Variants in ULK4 observed in about 807,000 individuals in gnomAD.
ULK4 encodes unc-51 like kinase 4.
A neutral mutation model predicts 160.6 loss-of-function variants in ULK4; 133 were observed. That is an observed-to-expected ratio of 0.83 (90% CI 0.72 to 0.96). The LOEUF (loss-of-function observed/expected upper bound fraction) is 0.96. ULK4 is among the 40% of genes least tolerant of loss of function. The pLI is 0.00. For missense variants in ULK4, 1,580 were observed against 1,499.5 expected, an observed-to-expected ratio of 1.05 and a Z score of -0.89; for synonymous variants, 534 against 539.8, an observed-to-expected ratio of 0.99 and a Z score of 0.15.
At chr3:41,888,852 G>C (rs1677791181) in intron 16 of ULK4, among the ~76,000 whole-genome samples, 1 of 152,158 alleles carries the variant, frequency 6.6e-6, no homozygotes. Context: ...CTGCCTACCT[G>C]ATCTTCAGCC....
chr3:41,784,939 A>T (rs1038318975), intron 21 of ULK4, among the ~76,000 whole-genome samples: 5 of 152,242 alleles, frequency 3.3e-5, no homozygotes, highest in Non-Finnish European at 7.3e-5. Context: ...TATACTGATA[A>T]TTAAATAATG....
chr3:41,950,530 A>ACC (rs2148840634), intron 2 of ULK4, among the ~76,000 whole-genome samples: 2 of 152,060 alleles, frequency 1.3e-5, no homozygotes, highest in South Asian at 4.2e-4. Flanking sequence ...GACATGAGCC[A>ACC]CCGCGCCTGG....
At chr3:41,603,523 A>G (rs922769312) in intron 31 of ULK4, among the ~76,000 whole-genome samples, 1 of 152,116 alleles carries the variant, frequency 6.6e-6, no homozygotes, top group Non-Finnish European at 1.5e-5. Context: ...CTATACCCCA[A>G]TGAATAATAG....
At chr3:41,315,515 G>A (rs556993432) in intron 35 of ULK4, among the ~76,000 whole-genome samples, 16 of 152,324 alleles carry the variant, frequency 1.1e-4, no homozygotes, top group Admixed American at 1.0e-3. Flanking sequence ...ATCTGAAATT[G>A]TCTTAAGCGC....
intron 32 of ULK4, among the ~76,000 whole-genome samples, chr3:41,548,563 C>T (rs1795359): frequency 0.51 from 77,040 of 151,266 alleles, 19,688 homozygotes; most frequent in Middle Eastern, 0.57. Context: ...ATTACCACTG[C>T]TAGCATCAGC....
intron 27 of ULK4, among the ~76,000 whole-genome samples, chr3:41,682,625 T>C (rs1305971927): frequency 6.6e-6 from 1 of 152,238 alleles, no homozygotes; most frequent in Non-Finnish European, 1.5e-5. Flanking sequence ...AGTATTAACA[T>C]ATTCTATCTC....
chr3:41,844,261 G>A (rs995979750), intron 17 of ULK4, among the ~76,000 whole-genome samples: 5 of 152,138 alleles, frequency 3.3e-5, no homozygotes, highest in Admixed American at 6.5e-5. Flanking sequence ...AGGAGCCCGC[G>A]GAGGGGGTGG....
chr3:41,911,611 C>A lies in ULK4; in HGVS notation c.945G>T (p.Leu315Phe). Reference protein sequence around the residue: ...CSGPQDSKELLQNSQSRQAKG... With the variant: ...CSGPQDSKELFQNSQSRQAKG... ...TTGCTTGTCTACTCTGAGAGTTCTG[C>A]AAAAGCTCCTTGGAATCTTGTGGCC... The change falls in exon 10 of 37, where the codon TTG becomes TTT. Residue 315 changes from leucine to phenylalanine, a missense_variant. Leu to Phe is a conservative substitution (Grantham distance 22, BLOSUM62 0). Coordinates refer to ENST00000301831, the MANE Select transcript of ULK4 (RefSeq NM_017886.4). 6.2e-7 allele frequency: 1 copy of A among 1,614,008 alleles called. No individual in the cohort carries two copies. Among genetic ancestry groups the A allele is most frequent in the Admixed American group, 1.7e-5 (1 of 60,020 alleles).
chr3:41,627,908 G>C (rs1342918991), intron 30 of ULK4, among the ~76,000 whole-genome samples: 12 of 152,134 alleles, frequency 7.9e-5, no homozygotes, highest in Admixed American at 6.5e-5. Context: ...GGGTAAGGAG[G>C]ACTACCAGGA....
At chr3:41,581,432 T>A (rs915591570) in intron 31 of ULK4, among the ~76,000 whole-genome samples, 5 of 152,126 alleles carry the variant, frequency 3.3e-5, no homozygotes, top group African/African-American at 2.4e-5. Context: ...CACAAACATA[T>A]ATACACATAG....
At chr3:41,262,674 A>T (rs1559493149) in intron 35 of ULK4, among the ~76,000 whole-genome samples, 1 of 152,052 alleles carries the variant, frequency 6.6e-6, no homozygotes, top group Non-Finnish European at 1.5e-5. Context: ...AGACATGATT[A>T]TTTTCTAAGA....
chr3:41,467,345 G>T (rs566075274), intron 32 of ULK4, among the ~76,000 whole-genome samples: 1 of 152,196 alleles, frequency 6.6e-6, no homozygotes, highest in South Asian at 2.1e-4. Flanking sequence ...TGACCAACAT[G>T]GTGAAAACCC....
intron 35 of ULK4, among the ~76,000 whole-genome samples, chr3:41,375,331 C>T (rs2081463298): frequency 1.3e-5 from 2 of 151,824 alleles, no homozygotes; most frequent in African/African-American, 4.8e-5. Context: ...CCAAGACAAT[C>T]CTAAGCAAAA....
chr3:41,885,875 G>A (rs866290435), intron 16 of ULK4, among the ~76,000 whole-genome samples: 1 of 151,908 alleles, frequency 6.6e-6, no homozygotes, highest in Non-Finnish European at 1.5e-5. Context: ...ATGGGGTTTC[G>A]CCATGTTGTC....
intron 35 of ULK4, among the ~76,000 whole-genome samples, chr3:41,326,144 G>A (rs924354797): frequency 5.3e-5 from 8 of 152,078 alleles, no homozygotes; most frequent in African/African-American, 1.7e-4. Context: ...GCAGGGGGGG[G>A]CTCCCCAAGA....
At position 41,246,991 on chromosome 3, in the gene ULK4, A is replaced by G. The variant is rs762612674; in HGVS notation, c.3766T>C (p.Ser1256Pro). The part of the protein sequence containing the change: ...ALERLAPGSG[S>P]FADSAVAPLA... ...GGAGCCACCGCACTGTCGGCAAATG[A>G]ACTGTAAGAAAAACCAAAGTAGGTA... Residue 1256 changes from serine (S) to proline (P), a missense_variant and splice_region_variant, in exon 37 of 37, where the codon TCA becomes CCA. Coordinates refer to ENST00000301831, the MANE Select transcript of ULK4 (RefSeq NM_017886.4). 2.5e-6 allele frequency: 4 copies of G among 1,613,602 alleles called. No individual in the cohort carries two copies. The highest frequency in any genetic ancestry group is 1.3e-5 in the African/African-American group (1 of 74,950).
intron 21 of ULK4, among the ~76,000 whole-genome samples, chr3:41,764,972 G>A (rs1225032784): frequency 6.6e-6 from 1 of 152,162 alleles, no homozygotes; most frequent in Non-Finnish European, 1.5e-5. Context: ...CTGTCAACTA[G>A]TTCAACCATT....
intron 25 of ULK4, 112 bp from the exon 26 acceptor site, chr3:41,705,417 A>G (rs2125828213): frequency 4.4e-6 from 3 of 679,818 alleles, no homozygotes; most frequent in East Asian, 2.8e-5. Context: ...TAACTCATAG[A>G]CAGTATTAAA....
chr3:41,350,289 T>C (rs1421499162), intron 35 of ULK4, among the ~76,000 whole-genome samples: 6 of 152,202 alleles, frequency 3.9e-5, no homozygotes, highest in Non-Finnish European at 5.9e-5. Context: ...TTTTTAAGTG[T>C]AGGACAAAAG....
Sources: allele counts gnomAD v4.1 joint callset (sites outside exome capture counted in the v4.1 genomes callset), GRCh38; gene constraint gnomAD v4.1.1; transcripts MANE v1.5; gene names NCBI Gene and HGNC (gene_info 2026-07-23, HGNC 2026-07-21).